UNC79: variants seen among roughly 807,000 people sequenced by gnomAD.
UNC79 encodes the protein protein unc-79 homolog.
UNC79 carries 37 observed loss-of-function variants against 283.1 expected under a neutral mutation model. The observed-to-expected ratio is 0.13, with a 90% CI of 0.10 to 0.17. The LOEUF (loss-of-function observed/expected upper bound fraction) is 0.17. Among genes scored for constraint, UNC79 ranks in the 10% least tolerant of loss-of-function variants. The pLI, the probability that UNC79 is intolerant of heterozygous loss-of-function variation, is 1.00. For synonymous variants in UNC79, 1,107 were observed against 1,200.2 expected, an observed-to-expected ratio of 0.92 and a Z score of 1.61; for missense variants, 2,272 against 3,211.1, an observed-to-expected ratio of 0.71 and a Z score of 7.07.
At chr14:93,550,262 A>G (rs2061803618) in intron 14 of UNC79, among the ~76,000 whole-genome samples, 1 of 152,196 alleles carries the variant, frequency 6.6e-6, no homozygotes, top group Non-Finnish European at 1.5e-5. Flanking sequence ...TTAACATTTC[A>G]TCCTAGACAA....
intron 1 of UNC79, among the ~76,000 whole-genome samples, chr14:93,357,805 A>G (rs1207435344): frequency 2.4e-5 from 3 of 126,150 alleles, no homozygotes; most frequent in South Asian, 2.5e-4. Flanking sequence ...ATATGGATAT[A>G]TGGATATATA....
At position 93,641,063 on chromosome 14, in the gene UNC79, GT is replaced by G. The variant is rs577468025; in HGVS notation, c.5801-79del. On this transcript the variant is annotated intron_variant, in intron 32 of 48. Transcript: ENST00000555664. ...TTCCTGGGAATGTGATCTTTGGAGG[GT>G]TTCTAAGAGGAGAACCAGGCCTTTC... 8,122 of 1,170,550 alleles carry G rather than the reference GT, an allele frequency of 6.9e-3. 46 individuals are homozygous for G. Among genetic ancestry groups the G allele is most frequent in the Middle Eastern group, 0.045 (214 of 4,720 alleles). 72.5% of individuals were successfully genotyped at this position (1,170,550 alleles called of 1,614,324 possible). A position where few individuals can be genotyped will look rare whatever the true frequency, so the allele number is the denominator to read the frequency against.
At chr14:93,537,020 A>G (rs2061121330) in intron 11 of UNC79, among the ~76,000 whole-genome samples, 3 of 152,210 alleles carry the variant, frequency 2.0e-5, no homozygotes, top group Non-Finnish European at 2.9e-5. Flanking sequence ...TTTAAATTCT[A>G]GGTGAAGACA....
chr14:93,651,770 G>A (rs917409697), intron 35 of UNC79, among the ~76,000 whole-genome samples: 19 of 151,574 alleles, frequency 1.3e-4, no homozygotes, highest in Admixed American at 9.2e-4. Context: ...ACAGAGTTTC[G>A]CTCTTGTTGC....
intron 5 of UNC79, among the ~76,000 whole-genome samples, chr14:93,494,188 G>A (rs2058904141): frequency 6.6e-6 from 1 of 152,014 alleles, no homozygotes; most frequent in South Asian, 2.1e-4. Context: ...GGGATTACAG[G>A]CATGGTGCCA....
intron 7 of UNC79, among the ~76,000 whole-genome samples, chr14:93,519,454 C>T (rs2060221409): frequency 6.6e-6 from 1 of 151,778 alleles, no homozygotes; most frequent in African/African-American, 2.4e-5. Flanking sequence ...TTTTAAAAAA[C>T]TCAAATCCTA....
intron 27 of UNC79, among the ~76,000 whole-genome samples, chr14:93,615,011 C>T (rs542189924): frequency 6.6e-6 from 1 of 152,288 alleles, no homozygotes; most frequent in African/African-American, 2.4e-5. Context: ...AACAGCTGCA[C>T]CAATCTGCAA....
chr14:93,559,386 A>T (rs749768942), intron 14 of UNC79, among the ~76,000 whole-genome samples: 13 of 152,220 alleles, frequency 8.5e-5, no homozygotes, highest in Non-Finnish European at 1.8e-4. Context: ...CTAGTGGAGG[A>T]AATTTTCATG....
At chr14:93,586,646 A>G in exon 21 of UNC79, 1 of 1,613,992 alleles carries the variant, frequency 6.2e-7, no homozygotes. Context: ...GCTTCCGGTA[A>G]CATTGAGACT....
chr14:93,567,248 G>A (rs2062946681), intron 14 of UNC79, among the ~76,000 whole-genome samples: 1 of 152,086 alleles, frequency 6.6e-6, no homozygotes, highest in African/African-American at 2.4e-5. Flanking sequence ...TTTTTGAGAC[G>A]GAATTTCATT....
chr14:93,347,534 T>G (rs1042306583), intron 1 of UNC79: 2 of 1,043,996 alleles, frequency 1.9e-6, no homozygotes, highest in East Asian at 3.3e-5. Flanking sequence ...TTGGGGGAGG[T>G]TCCTGTGGCT....
chr14:93,592,032 G>A (rs1239858810), intron 22 of UNC79, among the ~76,000 whole-genome samples: 1 of 152,008 alleles, frequency 6.6e-6, no homozygotes. Context: ...GTGGCGCCAC[G>A]TATGGTCTGT....
At chr14:93,347,879 G>A in intron 1 of UNC79, 3 of 571,188 alleles carry the variant, frequency 5.3e-6, no homozygotes, top group East Asian at 2.8e-5. Flanking sequence ...TCCATGAATC[G>A]ATTTTCAGCA....
At chr14:93,695,942 T>C (rs76780235) in intron 47 of UNC79, among the ~76,000 whole-genome samples, 1,211 of 98,488 alleles carry the variant, frequency 0.012, 14 homozygotes, top group African/African-American at 0.038. Context: ...ACTTTTTTCA[T>C]ACCCCTTTAT....
At chr14:93,597,141 G>A (rs558029572) in intron 23 of UNC79, among the ~76,000 whole-genome samples, 1 of 152,212 alleles carries the variant, frequency 6.6e-6, no homozygotes, top group Admixed American at 6.5e-5. Flanking sequence ...AAAAAGTTCT[G>A]CTCTGAGTAG....
chr14:93,644,707 A>C (rs2069408370), intron 34 of UNC79, among the ~76,000 whole-genome samples: 1 of 152,214 alleles, frequency 6.6e-6, no homozygotes, highest in African/African-American at 2.4e-5. Context: ...ATGACTCTTA[A>C]TGTTGCTAAA....
At chr14:93,578,218 A>G (rs1032002932) in intron 18 of UNC79, among the ~76,000 whole-genome samples, 155 bp downstream of exon 18, 7 of 152,238 alleles carry the variant, frequency 4.6e-5, no homozygotes, top group African/African-American at 7.2e-5. Flanking sequence ...ATTTTCTAAA[A>G]AGTCTGAAAA....
intron 1 of UNC79, among the ~76,000 whole-genome samples, chr14:93,415,597 A>G (rs1339903679): frequency 6.6e-6 from 1 of 152,042 alleles, no homozygotes; most frequent in Non-Finnish European, 1.5e-5. Context: ...AAGGAATGGT[A>G]ACAGTTCCTC....
At chr14:93,682,418 ACT>A (rs377514702) in intron 41 of UNC79, among the ~76,000 whole-genome samples, 197 bp from the exon 45 acceptor site, 1 of 151,956 alleles carries the variant, frequency 6.6e-6, no homozygotes, top group Admixed American at 6.6e-5. Context: ...GTAAAGTAAG[ACT>A]CTGTGTGTTA....
Sources: allele counts gnomAD v4.1 joint callset (sites outside exome capture counted in the v4.1 genomes callset), GRCh38; gene constraint gnomAD v4.1.1; transcripts MANE v1.5; gene names NCBI Gene and HGNC (gene_info 2026-07-23, HGNC 2026-07-21).